Variants in SGCD observed in about 807,000 individuals in gnomAD.
The protein encoded by SGCD is sarcoglycan delta, also known as delta-sarcoglycan.
A neutral mutation model predicts 36.6 loss-of-function variants in SGCD; 18 were observed. That is an observed-to-expected ratio of 0.49 (90% CI 0.34 to 0.73). SGCD has a LOEUF of 0.73. Ranked by LOEUF, SGCD falls within the 30% of genes least tolerant of loss-of-function variation. The pLI is 0.01. For missense variants in SGCD, 387 were observed against 346.7 expected (o/e 1.12, Z -0.92); for synonymous variants, 133 against 130.6 (o/e 1.02, Z -0.12).
chr5:156,097,607 T>C lies in SGCD; in HGVS notation c.-281-20271T>C, dbSNP rs13358252. Among the ~76,000 whole-genome samples, 318 of 106,022 alleles carry C rather than the reference T, an allele frequency of 3.0e-3. 2 individuals carry two copies. The highest frequency in any genetic ancestry group is 8.1e-3 in the African/African-American group (311 of 38,166). 69.6% of individuals were successfully genotyped at this position (106,022 alleles called of 152,430 possible). A position where few individuals can be genotyped will look rare whatever the true frequency, so the allele number is the denominator to read the frequency against. ...AGTGTTTCTTTGCTGAGATTTCCTGTTTTTTCATTTGTATTGAGAGAGTGT... is the reference window on the plus strand; with the variant it reads ...AGTGTTTCTTTGCTGAGATTTCCTGCTTTTTCATTTGTATTGAGAGAGTGT... On this transcript the variant is annotated intron_variant, in intron 1 of 9. Transcript: ENST00000517913.
At chr5:156,717,981 T>G (rs1755304336) in intron 7 of SGCD, among the ~76,000 whole-genome samples, 2 of 152,168 alleles carry the variant, frequency 1.3e-5, no homozygotes, top group South Asian at 4.1e-4. Context: ...CTGACAGTAC[T>G]TTCTATGTCT....
chr5:155,807,345 G>A, the SGCD span, among the ~76,000 whole-genome samples: 1 of 152,218 alleles, frequency 6.6e-6, no homozygotes, highest in Admixed American at 6.5e-5. Context: ...CTTACAATAA[G>A]TGAGGAAGCT....
At chr5:156,003,860 G>T (rs947515350) in intron 1 of SGCD, among the ~76,000 whole-genome samples, 19 of 152,252 alleles carry the variant, frequency 1.2e-4, no homozygotes, top group African/African-American at 4.6e-4. Flanking sequence ...GACCCCACAA[G>T]CTTCTGCCTT....
At chr5:156,572,795 C>T (rs1320418221) in intron 4 of SGCD, among the ~76,000 whole-genome samples, 1 of 152,108 alleles carries the variant, frequency 6.6e-6, no homozygotes, top group Non-Finnish European at 1.5e-5. Context: ...TCCAACCAAA[C>T]TAATATAATG....
chr5:156,319,597 C>T (rs147350799), intron 3 of SGCD, among the ~76,000 whole-genome samples: 2 of 152,086 alleles, frequency 1.3e-5, no homozygotes, highest in Non-Finnish European at 2.9e-5. Context: ...AAGTGAAGCC[C>T]CAGCAGTAAT....
chr5:156,422,551 G>C (rs1264444947), intron 3 of SGCD, among the ~76,000 whole-genome samples: 1 of 151,936 alleles, frequency 6.6e-6, no homozygotes, highest in Admixed American at 6.6e-5. Flanking sequence ...CAAGATCCTC[G>C]ATATCCATAA....
rs550428856 is a variant in SGCD at position 156,604,321 on chromosome 5, G to C, written c.502+9270G>C. Among the ~76,000 whole-genome samples, 6 of 151,800 alleles carry C rather than the reference G, an allele frequency of 4.0e-5. No homozygotes were observed. In the South Asian group the frequency reaches 1.2e-3, roughly 32 times the overall value. On this transcript the variant is annotated intron_variant, in intron 6 of 8. Transcript: ENST00000337851. The stretch of plus-strand genomic sequence containing the variant: ...TCTCTTGTAGGCAGAATATAATGGG[G>C]TCTTGTTCTTTAATCCATTCAGTCA...
chr5:155,937,824 C>T (rs1386257212), intron 1 of SGCD, among the ~76,000 whole-genome samples: 1 of 152,176 alleles, frequency 6.6e-6, no homozygotes, highest in East Asian at 1.9e-4. Flanking sequence ...CCAATCCTGC[C>T]TCATTGGGGT....
the SGCD span, among the ~76,000 whole-genome samples, chr5:155,852,820 A>G: frequency 1.3e-5 from 2 of 152,134 alleles, no homozygotes; most frequent in Non-Finnish European, 2.9e-5. Context: ...ATAGATGCTA[A>G]ATCACCTCTC....
At chr5:156,172,588 T>C (rs576375432) in intron 3 of SGCD, among the ~76,000 whole-genome samples, 1 of 152,230 alleles carries the variant, frequency 6.6e-6, no homozygotes, top group East Asian at 1.9e-4. Flanking sequence ...TATCTCTTAA[T>C]TGAAATGTTA....
chr5:156,016,544 T>C (rs1308194418), intron 1 of SGCD, among the ~76,000 whole-genome samples: 1 of 152,150 alleles, frequency 6.6e-6, no homozygotes, highest in African/African-American at 2.4e-5. Flanking sequence ...TAACAAATTT[T>C]GTTGGTTTCT....
At chr5:156,524,899 A>T (rs1015400227) in intron 4 of SGCD, among the ~76,000 whole-genome samples, 1 of 152,106 alleles carries the variant, frequency 6.6e-6, no homozygotes, top group Non-Finnish European at 1.5e-5. Flanking sequence ...CGTTGTTAAA[A>T]ATGACAAGAT....
At chr5:156,287,990 C>T (rs1396152271) in intron 3 of SGCD, among the ~76,000 whole-genome samples, 2 of 152,088 alleles carry the variant, frequency 1.3e-5, no homozygotes, top group Non-Finnish European at 2.9e-5. Context: ...TCTTTATTTG[C>T]AGTCATATGC....
intron 3 of SGCD, among the ~76,000 whole-genome samples, chr5:156,184,126 T>C (rs1340039693): frequency 3.9e-5 from 6 of 152,212 alleles, no homozygotes; most frequent in Admixed American, 3.9e-4. Context: ...AAGCCTGTTT[T>C]ATAATAAAGT....
chr5:155,927,685 G>T (rs1433089462), intron 1 of SGCD, among the ~76,000 whole-genome samples: 1 of 152,124 alleles, frequency 6.6e-6, no homozygotes, highest in Non-Finnish European at 1.5e-5. Context: ...ATATTTTGTG[G>T]GAAGCACAAT....
chr5:155,862,976 A>G, the SGCD span, among the ~76,000 whole-genome samples: 1 of 152,364 alleles, frequency 6.6e-6, no homozygotes, highest in Admixed American at 6.5e-5. Context: ...GAAGATGTCC[A>G]TTGATACCAT....
chr5:156,194,685 C>A (rs2127634140), intron 3 of SGCD, among the ~76,000 whole-genome samples: 1 of 151,654 alleles, frequency 6.6e-6, no homozygotes, highest in South Asian at 2.1e-4. Flanking sequence ...TAATATAATA[C>A]CTTAAATTGA....
At chr5:155,953,429 G>T (rs1450429445) in intron 1 of SGCD, among the ~76,000 whole-genome samples, 2 of 151,982 alleles carry the variant, frequency 1.3e-5, no homozygotes, top group Non-Finnish European at 2.9e-5. Context: ...CTTTATTATG[G>T]CACAGTTGAA....
At position 156,039,739 on chromosome 5, in the gene SGCD, G is replaced by A. The variant is rs547782482; in HGVS notation, c.-281-78139G>A. On this transcript the variant is annotated intron_variant, in intron 1 of 9. Transcript: ENST00000517913. Reference sequence around the variant, plus strand: ...TATCCAATGAAGCTCCTTTTACTACGGAGAGAGTAGTTTCCTTTTTCTGTT... The same window carrying A: ...TATCCAATGAAGCTCCTTTTACTACAGAGAGAGTAGTTTCCTTTTTCTGTT... Among the ~76,000 whole-genome samples the A allele has an allele frequency of 6.0e-4, 92 of 152,138 alleles. 1 individual carries two copies. Among genetic ancestry groups the A allele is most frequent in the African/African-American group, 2.1e-3 (87 of 41,484 alleles).
Sources: gnomAD v4.1 joint callset for allele counts (sites outside exome capture counted in the v4.1 genomes callset) on GRCh38, gnomAD v4.1.1 for gene constraint, MANE v1.5 for transcripts, NCBI Gene and HGNC (gene_info 2026-07-23, HGNC 2026-07-21) for gene names.